The following ALK variants were observed in gnomAD, a reference collection of about 807,000 sequenced individuals.
ALK encodes ALK receptor tyrosine kinase.
ALK carries 74 observed loss-of-function variants against 163.1 expected under a neutral mutation model. That is an observed-to-expected ratio of 0.45 (90% CI 0.38 to 0.55). The LOEUF is 0.55. Ranked by LOEUF, ALK falls within the 20% of genes least tolerant of loss-of-function variation. The pLI is 0.00. For synonymous variants in ALK, 960 were observed against 843.2 expected (o/e 1.14, Z -2.40); for missense variants, 2,063 against 2,105.3 (o/e 0.98, Z 0.39).
At chr2:29,732,892 G>A (rs1353525461) in intron 1 of ALK, among the ~76,000 whole-genome samples, 1 of 92,174 alleles carries the variant, frequency 1.1e-5, no homozygotes, top group Non-Finnish European at 2.6e-5. Context: ...AAGCTACCTA[G>A]TCTATAGGTT....
At chr2:29,338,319 C>T (rs1667686330) in intron 5 of ALK, among the ~76,000 whole-genome samples, 1 of 152,172 alleles carries the variant, frequency 6.6e-6, no homozygotes, top group Non-Finnish European at 1.5e-5. Flanking sequence ...GTCACCTCAC[C>T]ACCAGAGTCA....
intron 4 of ALK, among the ~76,000 whole-genome samples, chr2:29,397,806 C>T (rs1436966939): frequency 1.3e-5 from 2 of 152,180 alleles, no homozygotes; most frequent in Admixed American, 1.3e-4. Context: ...GAAGTGTTTG[C>T]TAACAATGCA....
intron 26 of ALK, among the ~76,000 whole-genome samples, chr2:29,202,583 C>A (rs141699413): frequency 6.6e-6 from 1 of 152,238 alleles, no homozygotes; most frequent in South Asian, 2.1e-4. Context: ...TGCGTGAAAG[C>A]GCAAACGATA....
intron 8 of ALK, among the ~76,000 whole-genome samples, chr2:29,301,228 T>C (rs892504146): frequency 6.6e-6 from 1 of 152,208 alleles, no homozygotes; most frequent in Non-Finnish European, 1.5e-5. Context: ...TCCTTCTGTC[T>C]TCTTAAAAAA....
intron 4 of ALK, among the ~76,000 whole-genome samples, chr2:29,412,323 A>G (rs1669744105): frequency 6.6e-6 from 1 of 152,218 alleles, no homozygotes; most frequent in South Asian, 2.1e-4. Flanking sequence ...TGGGTCATCC[A>G]TGACTTCTAA....
At chr2:29,529,586 T>G (rs1673061107) in intron 4 of ALK, among the ~76,000 whole-genome samples, 1 of 152,224 alleles carries the variant, frequency 6.6e-6, no homozygotes, top group Non-Finnish European at 1.5e-5. Flanking sequence ...AGTGCAAAGC[T>G]GGGCAAGTTT....
At chr2:29,604,661 T>C (rs1431738818) in intron 3 of ALK, among the ~76,000 whole-genome samples, 1 of 152,200 alleles carries the variant, frequency 6.6e-6, no homozygotes, top group East Asian at 1.9e-4. Context: ...TGTGTCCTGT[T>C]TGTGCCAAAG....
chr2:29,907,676 C>T (rs191222203), intron 1 of ALK, among the ~76,000 whole-genome samples: 12 of 152,254 alleles, frequency 7.9e-5, no homozygotes, highest in Admixed American at 2.0e-4. Flanking sequence ...CCTCTCTCTA[C>T]GTCCTCTGGA....
chr2:29,245,040 G>A (rs1026328654), intron 12 of ALK, among the ~76,000 whole-genome samples: 7 of 151,314 alleles, frequency 4.6e-5, no homozygotes, highest in Non-Finnish European at 1.0e-4. Flanking sequence ...GACTCCATGG[G>A]ACAGTGCCCT....
intron 4 of ALK, among the ~76,000 whole-genome samples, chr2:29,408,511 C>A (rs1467339414): frequency 1.3e-5 from 2 of 152,172 alleles, no homozygotes. Context: ...ACAGCTCAGT[C>A]ACCCTGAACC....
At chr2:29,579,188 T>C (rs1480031294) in intron 3 of ALK, among the ~76,000 whole-genome samples, 1 of 152,238 alleles carries the variant, frequency 6.6e-6, no homozygotes, top group Non-Finnish European at 1.5e-5. Context: ...CTTGACACTG[T>C]GGCCAATTTG....
chr2:29,860,577 C>T (rs1666254291), intron 1 of ALK, among the ~76,000 whole-genome samples: 3 of 152,176 alleles, frequency 2.0e-5, no homozygotes, highest in African/African-American at 7.2e-5. Context: ...CAGCAGAATA[C>T]ACATTCTTCT....
chr2:29,278,377 A>G (rs578222889), intron 9 of ALK, among the ~76,000 whole-genome samples: 128 of 152,320 alleles, frequency 8.4e-4, no homozygotes, highest in African/African-American at 3.0e-3. Flanking sequence ...GGCAAGATCA[A>G]AGACCTCTTA....
At chr2:29,745,080 T>C (rs1047243482) in intron 1 of ALK, among the ~76,000 whole-genome samples, 1 of 152,198 alleles carries the variant, frequency 6.6e-6, no homozygotes, top group Non-Finnish European at 1.5e-5. Flanking sequence ...CTGTTTTAAA[T>C]ACACAGCCCC....
At chr2:29,889,215 G>A (rs1667069163) in intron 1 of ALK, among the ~76,000 whole-genome samples, 1 of 151,528 alleles carries the variant, frequency 6.6e-6, no homozygotes, top group Admixed American at 6.6e-5. Context: ...ATATACAATG[G>A]TTTCTCTGCA....
chr2:29,833,542 T>A (rs1251525877), intron 1 of ALK, among the ~76,000 whole-genome samples: 1 of 152,232 alleles, frequency 6.6e-6, no homozygotes, highest in Non-Finnish European at 1.5e-5. Context: ...ACAGCAAGAA[T>A]CCTTCAGTGC....
chr2:29,385,933 G>A (rs752340203), intron 4 of ALK, among the ~76,000 whole-genome samples: 3 of 152,178 alleles, frequency 2.0e-5, no homozygotes, highest in Non-Finnish European at 2.9e-5. Flanking sequence ...TAGAATCAGA[G>A]TCAAAATGTG....
chr2:29,232,575 G>T, intron 14 of ALK, 127 bp from the exon 15 acceptor site: 2 of 1,287,962 alleles, frequency 1.6e-6, no homozygotes, highest in Non-Finnish European at 2.2e-6. Flanking sequence ...CCTCTCAGTG[G>T]TCTGAGGTGG....
chr2:29,565,778 C>T (rs1027492090), intron 3 of ALK, among the ~76,000 whole-genome samples: 1 of 152,120 alleles, frequency 6.6e-6, no homozygotes, highest in Admixed American at 6.5e-5. Context: ...ACAGATTGTT[C>T]CTCTCAACAT....
Sources: allele counts gnomAD v4.1 joint callset (sites outside exome capture counted in the v4.1 genomes callset), GRCh38; gene constraint gnomAD v4.1.1; transcripts MANE v1.5; gene names NCBI Gene and HGNC (gene_info 2026-07-23, HGNC 2026-07-21).